ANKRD44: variants seen among roughly 807,000 people sequenced by gnomAD.
ANKRD44 encodes the protein serine/threonine-protein phosphatase 6 regulatory ankyrin repeat subunit B.
In ANKRD44, 35 loss-of-function variants were observed where a neutral mutation model predicts 116.0. That is an observed-to-expected ratio of 0.30 (90% CI 0.23 to 0.40). The LOEUF is 0.40. Among genes scored for constraint, ANKRD44 ranks in the 10% least tolerant of loss-of-function variants. The pLI is 1.00. For synonymous variants in ANKRD44, 435 were observed against 461.8 expected (o/e 0.94, Z 0.74); for missense variants, 1,014 against 1,242.6 (o/e 0.82, Z 2.77).
intron 16 of ANKRD44, among the ~76,000 whole-genome samples, chr2:197,077,371 C>G (rs1202061610): frequency 1.3e-5 from 2 of 152,118 alleles, no homozygotes; most frequent in Non-Finnish European, 2.9e-5. Context: ...TTTCAGAACC[C>G]TTTCCTCCTG....
At chr2:197,227,221 T>C (rs960965118) in intron 1 of ANKRD44, among the ~76,000 whole-genome samples, 1 of 152,226 alleles carries the variant, frequency 6.6e-6, no homozygotes, top group African/African-American at 2.4e-5. Flanking sequence ...ATTTCCAGTG[T>C]AGTGATGAAC....
At chr2:197,183,775 C>CCATT (rs150212265) in intron 2 of ANKRD44, among the ~76,000 whole-genome samples, 7,495 of 152,014 alleles carry the variant, frequency 0.049, 588 homozygotes, top group African/African-American at 0.17. Context: ...TGTTCTTTAT[C>CCATT]CATTCATTCA....
intron 21 of ANKRD44, among the ~76,000 whole-genome samples, chr2:196,977,346 T>G (rs1249889822): frequency 6.6e-6 from 1 of 152,188 alleles, no homozygotes; most frequent in Non-Finnish European, 1.5e-5. Context: ...ACAGTGGTTT[T>G]CTAGATATGA....
intron 17 of ANKRD44, among the ~76,000 whole-genome samples, chr2:197,020,557 A>G (rs2076476548): frequency 6.6e-6 from 1 of 152,176 alleles, no homozygotes; most frequent in Admixed American, 6.5e-5. Flanking sequence ...AAGTTTACAA[A>G]TTTATGTTGG....
Position 197,201,325 on chromosome 2 carries a change from A to G in ANKRD44, c.28-14219T>C, listed in dbSNP as rs137903489. On this transcript the variant is annotated intron_variant, in intron 1 of 27. Transcript: ENST00000282272. This position sits in a 1 kb window ranked among gnomAD's most constrained non-coding sequence, Gnocchi z 4.0. The stretch of plus-strand genomic sequence containing the variant: ...TTACTGAGTTTTTAACAAGGAGAGT[A>G]AGTTACTGAGTTTAAATAAAACCTA... 1.1e-4 allele frequency among the ~76,000 whole-genome samples: 17 copies of G among 152,354 alleles called. No homozygotes were observed. In the East Asian group the frequency reaches 2.5e-3, roughly 22 times the overall value.
chr2:196,981,888 T>A (rs2125865493), downstream of ANKRD44, among the ~76,000 whole-genome samples: 1 of 151,882 alleles, frequency 6.6e-6, no homozygotes, highest in South Asian at 2.1e-4. Flanking sequence ...ACAATAGAAA[T>A]CACTGACACT....
At chr2:197,079,292 A>G (rs911019447) in intron 15 of ANKRD44, among the ~76,000 whole-genome samples, 2 of 152,216 alleles carry the variant, frequency 1.3e-5, no homozygotes, top group African/African-American at 4.8e-5. Context: ...GTAAGAAAAA[A>G]AAATAAGAAT....
intron 9 of ANKRD44, among the ~76,000 whole-genome samples, chr2:197,103,655 G>C (rs1349364437): frequency 6.6e-6 from 1 of 152,058 alleles, no homozygotes; most frequent in Admixed American, 6.5e-5. Flanking sequence ...AGAAAGGTGT[G>C]ATACATTTCT....
At chr2:197,214,906 C>G (rs1195511576) in intron 1 of ANKRD44, among the ~76,000 whole-genome samples, 3 of 152,124 alleles carry the variant, frequency 2.0e-5, no homozygotes, top group Non-Finnish European at 4.4e-5. Context: ...GAGACAGAGT[C>G]TCACTCTGTC....
chr2:197,193,478 T>C (rs1026192575), intron 1 of ANKRD44, among the ~76,000 whole-genome samples: 42 of 152,226 alleles, frequency 2.8e-4, no homozygotes, highest in African/African-American at 9.9e-4. Context: ...GTAGAAAGAT[T>C]AATGCTATGG....
At chr2:197,027,955 G>A (rs1020394644) in intron 16 of ANKRD44, among the ~76,000 whole-genome samples, 1 of 151,946 alleles carries the variant, frequency 6.6e-6, no homozygotes, top group African/African-American at 2.4e-5. Flanking sequence ...CTCCCAAACC[G>A]CTGAGATTAC....
chr2:197,243,813 T>C (rs926341685), intron 1 of ANKRD44, among the ~76,000 whole-genome samples: 1 of 151,910 alleles, frequency 6.6e-6, no homozygotes, highest in Non-Finnish European at 1.5e-5. Context: ...ACCTAATCAC[T>C]CCCAAAGGCT....
chr2:197,038,951 AAAAAATAATCAAAG>A, intron 16 of ANKRD44, among the ~76,000 whole-genome samples: 1 of 152,354 alleles, frequency 6.6e-6, no homozygotes, highest in East Asian at 1.9e-4. Flanking sequence ...AAATGTGAAA[AAAAAATAATCAAAG>A]TGTTCCCATA....
chr2:197,218,890 G>T (rs1311644484), intron 1 of ANKRD44, among the ~76,000 whole-genome samples: 1 of 148,480 alleles, frequency 6.7e-6, no homozygotes, highest in Admixed American at 6.8e-5. Context: ...CTCCCAAGTA[G>T]CTGGTATTAC....
At chr2:197,049,293 T>G (rs2077061572) in intron 16 of ANKRD44, among the ~76,000 whole-genome samples, 1 of 152,240 alleles carries the variant, frequency 6.6e-6, no homozygotes, top group Non-Finnish European at 1.5e-5. Context: ...GGTTTTCTTC[T>G]AGGGTTTTTA....
chr2:197,028,718 GC>G, intron 16 of ANKRD44: 1 of 169,876 alleles, frequency 5.9e-6, no homozygotes, highest in Non-Finnish European at 1.2e-5. Flanking sequence ...AGCTTATGCA[GC>G]AGGATTATTT....
At chr2:197,301,981 C>A (rs2083923497) in intron 1 of ANKRD44, among the ~76,000 whole-genome samples, 1 of 152,190 alleles carries the variant, frequency 6.6e-6, no homozygotes, top group South Asian at 2.1e-4. Flanking sequence ...AAGGGACTCA[C>A]TGAGAAGGTA....
intron 1 of ANKRD44, among the ~76,000 whole-genome samples, chr2:197,259,314 C>A (rs2082536000): frequency 6.6e-6 from 1 of 152,186 alleles, no homozygotes; most frequent in Admixed American, 6.5e-5. Context: ...CTGTGTCCCC[C>A]TCCCAGAGCT....
chr2:197,005,244 CA>C (rs2125907208), intron 21 of ANKRD44, among the ~76,000 whole-genome samples: 1 of 152,016 alleles, frequency 6.6e-6, no homozygotes, highest in South Asian at 2.1e-4. Flanking sequence ...ATAAGTACAA[CA>C]AAATAAATAA....
Sources: allele counts gnomAD v4.1 joint callset (sites outside exome capture counted in the v4.1 genomes callset), GRCh38; gene constraint gnomAD v4.1.1; non-coding constraint Gnocchi (gnomAD v3.1); transcripts MANE v1.5; gene names NCBI Gene and HGNC (gene_info 2026-07-23, HGNC 2026-07-21).